The following VPS13C variants were observed in gnomAD, a reference collection of about 807,000 sequenced individuals.
VPS13C encodes intermembrane lipid transfer protein VPS13C.
VPS13C carries 358 observed loss-of-function variants against 456.8 expected under a neutral mutation model. The observed-to-expected ratio is 0.78, with a 90% confidence interval of 0.72 to 0.86. VPS13C has a LOEUF of 0.86. Ranked by LOEUF, VPS13C falls within the 40% of genes least tolerant of loss-of-function variation. The pLI is 0.00. For synonymous variants in VPS13C, 1,578 were observed against 1,486.7 expected (o/e 1.06, Z -1.41); for missense variants, 4,818 against 4,385.4 (o/e 1.10, Z -2.79).
At chr15:61,864,980 C>CTTG (rs1326187384) in intron 81 of VPS13C, 1 of 983,990 alleles carries the variant, frequency 1.0e-6, no homozygotes, top group Admixed American at 6.2e-5. Flanking sequence ...GGCTATTGTG[C>CTTG]TTCAAGCCAT....
intron 66 of VPS13C, among the ~76,000 whole-genome samples, chr15:61,898,960 C>A (rs894447207): frequency 2.1e-5 from 2 of 96,262 alleles, no homozygotes; most frequent in Admixed American, 1.3e-4. Flanking sequence ...CACTCAAAAC[C>A]GCTCAACTAC....
chr15:61,978,669 A>T lies in VPS13C; in HGVS notation c.2247T>A (p.Phe749Leu). The change falls in exon 23 of 85, where the codon TTT becomes TTA. Residue 749 changes from phenylalanine (F) to leucine (L), a missense_variant. Around this residue, in one of 3 missense-constraint regions of VPS13C, gnomAD observed 4,552 missense variants for 4,130.6 expected, o/e 1.10. Coordinates refer to ENST00000644861, the MANE Select transcript of VPS13C (RefSeq NM_020821.3). ...EEIMDKAYDK[F>L]DVEIKNVQLL... ...GTTGTACATTTTTTATTTCAACATC[A>T]AACTTGTCATATGCCTTATCCATTA... is the stretch of plus-strand genomic sequence containing the variant. The T allele has an allele frequency of 6.2e-7, 1 of 1,612,868 alleles. No homozygotes were observed.
At chr15:62,055,403 A>T (rs8025694) in intron 1 of VPS13C, among the ~76,000 whole-genome samples, 1,220 of 115,810 alleles carry the variant, frequency 0.011, 14 homozygotes, top group African/African-American at 0.035. Context: ...AATTTTTTGT[A>T]TTTTTTTTTT....
chr15:61,936,817 T>C, intron 47 of VPS13C, 67 bp from the exon 48 acceptor site: 1 of 1,447,466 alleles, frequency 6.9e-7, no homozygotes, highest in Admixed American at 2.3e-5. Flanking sequence ...TATCTATATC[T>C]CGATTTGTGG....
chr15:61,865,414 AGAAC>A (rs1894471995), intron 81 of VPS13C: 2 of 984,210 alleles, frequency 2.0e-6, no homozygotes, highest in South Asian at 9.4e-5. Flanking sequence ...GGCATTTCTA[AGAAC>A]ATGGAAAAAT....
intron 16 of VPS13C, 126 bp downstream of exon 16, chr15:62,000,438 C>A: frequency 1.2e-6 from 1 of 849,174 alleles, no homozygotes; most frequent in Non-Finnish European, 1.8e-6. Flanking sequence ...ACTCCAGTTT[C>A]TTTTCTCCTG....
intron 58 of VPS13C, 68 bp downstream of exon 58, chr15:61,919,221 T>TG: frequency 6.8e-7 from 1 of 1,469,264 alleles, no homozygotes; most frequent in Non-Finnish European, 9.2e-7. Context: ...TGTATTCCTA[T>TG]ATTCAGCTAA....
At chr15:61,882,515 C>T in intron 69 of VPS13C, 81 bp downstream of exon 69, 1 of 1,292,688 alleles carries the variant, frequency 7.7e-7, no homozygotes, top group East Asian at 2.7e-5. Flanking sequence ...ACAATGTAAA[C>T]TATATAGTTG....
intron 45 of VPS13C, among the ~76,000 whole-genome samples, chr15:61,945,309 C>T (rs2044566577): frequency 6.6e-6 from 1 of 152,162 alleles, no homozygotes; most frequent in African/African-American, 2.4e-5. Context: ...AAAAGCATTT[C>T]ATGATGCTGT....
rs1420662271 is a variant in VPS13C, at chr15:61,899,769, A to G, written c.9105+7495T>C. On this transcript the variant is annotated intron_variant, in intron 66 of 84. Transcript: ENST00000644861. ...CCTCCCTAACTTATTTTATGAGACC[A>G]GCATCATTCTGATACCAAAGCTGGG... Among the ~76,000 whole-genome samples, 6 of 152,164 alleles carry G rather than the reference A, an allele frequency of 3.9e-5. No homozygotes were observed. The East Asian group carries it at 7.7e-4, about 20-fold the overall frequency.
In VPS13C at chr15:62,000,586, G is replaced by C. The variant is rs754465700; in HGVS notation, c.1331C>G (p.Ala444Gly). ...TACCTCAACTTGTGCTTGTTGCCTT[G>C]CTAAAATTATGTTAAAAACATCTAG... is the stretch of plus-strand genomic sequence containing the variant. The part of the protein sequence containing the change: ...KTLDVFNIIL[A>G]RQQAQVEVIR... Residue 444 changes from alanine to glycine, a missense_variant, in exon 16 of 85, where the codon GCA becomes GGA. By Grantham distance (60) the Ala-to-Gly change is moderately conservative. Coordinates refer to ENST00000644861, the MANE Select transcript of VPS13C (RefSeq NM_020821.3). The C allele has an allele frequency of 1.2e-6, 2 of 1,607,742 alleles. No individual in the cohort carries two copies. Among genetic ancestry groups the C allele is most frequent in the South Asian group, 2.2e-5 (2 of 88,956 alleles).
intron 3 of VPS13C, 126 bp from the exon 4 acceptor site, chr15:62,035,178 TG>T (rs2047949566): frequency 2.1e-6 from 1 of 476,638 alleles, no homozygotes; most frequent in South Asian, 5.9e-5. Context: ...TCAGAAAAAA[TG>T]AAAAAAATCC....
chr15:61,980,405 C>T (rs2045845377), intron 22 of VPS13C, among the ~76,000 whole-genome samples: 2 of 152,060 alleles, frequency 1.3e-5, no homozygotes, highest in Non-Finnish European at 2.9e-5. Flanking sequence ...GCCCAAAGAA[C>T]GATAGCATCC....
chr15:61,910,346 G>C, intron 63 of VPS13C, 41 bp from the exon 64 acceptor site: 1 of 1,345,500 alleles, frequency 7.4e-7, no homozygotes, highest in Non-Finnish European at 9.7e-7. Context: ...AGACAATACC[G>C]TTATATAATA....
intron 1 of VPS13C, among the ~76,000 whole-genome samples, chr15:62,054,751 G>C (rs1681396010): frequency 6.6e-6 from 1 of 151,378 alleles, no homozygotes; most frequent in Non-Finnish European, 1.5e-5. Flanking sequence ...AAAAAAAGAA[G>C]AGGAAGAAGA....
chr15:61,929,869 C>T, intron 50 of VPS13C, 121 bp from the exon 51 acceptor site: 2 of 995,202 alleles, frequency 2.0e-6, no homozygotes, highest in Admixed American at 2.9e-5. Flanking sequence ...GTATAGAAAA[C>T]AGGTCAACAT....
intron 6 of VPS13C, among the ~76,000 whole-genome samples, chr15:62,025,052 A>C (rs2047588579): frequency 6.6e-6 from 1 of 152,098 alleles, no homozygotes; most frequent in African/African-American, 2.4e-5. Context: ...GTGTTTGCTC[A>C]ATTGTCTTGC....
At chr15:62,031,812 T>C (rs1022397760) in intron 5 of VPS13C, among the ~76,000 whole-genome samples, 9 of 151,920 alleles carry the variant, frequency 5.9e-5, no homozygotes, top group Middle Eastern at 3.2e-3. Context: ...GACCCAAATG[T>C]CTGTTTTCTC....
At chr15:61,881,021 T>C (rs537771452) in intron 71 of VPS13C, 67 bp from the exon 72 acceptor site, 7 of 1,313,712 alleles carry the variant, frequency 5.3e-6, no homozygotes, top group South Asian at 4.1e-5. Flanking sequence ...TGTTAAAACT[T>C]TGATTTCAGT....
Sources: allele counts gnomAD v4.1 joint callset (sites outside exome capture counted in the v4.1 genomes callset), GRCh38; gene constraint gnomAD v4.1.1; regional missense constraint gnomAD v4.1.1; transcripts MANE v1.5; gene names NCBI Gene and HGNC (gene_info 2026-07-23, HGNC 2026-07-21).